The following GPC5 variants were observed in gnomAD, a reference collection of about 807,000 sequenced individuals.
GPC5 encodes the protein glypican 5, also known as glypican-5.
In GPC5, 47 loss-of-function variants were observed where a neutral mutation model predicts 53.9. That is an observed-to-expected ratio of 0.87 (90% CI 0.69 to 1.11). The LOEUF (loss-of-function observed/expected upper bound fraction) is 1.11, where lower values mean the gene tolerates loss of function less well. Ranked by LOEUF, GPC5 falls within the 50% of genes most tolerant of loss-of-function variation. GPC5 has a pLI of 0.00. For synonymous variants in GPC5, 286 were observed against 263.3 expected, an observed-to-expected ratio of 1.09 and a Z score of -0.84; for missense variants, 748 against 713.1, an observed-to-expected ratio of 1.05 and a Z score of -0.56.
chr13:91,932,022 A>G (rs1340524092), intron 6 of GPC5, among the ~76,000 whole-genome samples: 1 of 151,956 alleles, frequency 6.6e-6, no homozygotes, highest in East Asian at 1.9e-4. Flanking sequence ...AATATGTACA[A>G]TGATGTGTCA....
chr13:92,039,466 T>G (rs1449768915), intron 6 of GPC5, among the ~76,000 whole-genome samples: 1 of 152,180 alleles, frequency 6.6e-6, no homozygotes, highest in African/African-American at 2.4e-5. Flanking sequence ...ACTCCAACAC[T>G]CATTTAATGT....
chr13:92,585,366 T>C (rs1883505423), intron 7 of GPC5, among the ~76,000 whole-genome samples: 4 of 152,226 alleles, frequency 2.6e-5, no homozygotes, highest in Non-Finnish European at 4.4e-5. Flanking sequence ...CTTGAAGATT[T>C]GACTGCTTTG....
intron 6 of GPC5, among the ~76,000 whole-genome samples, chr13:92,051,477 G>A (rs1318151783): frequency 1.3e-5 from 2 of 151,620 alleles, no homozygotes; most frequent in African/African-American, 4.9e-5. Context: ...CGGGATTACA[G>A]GCATGAGCTA....
At chr13:92,295,844 T>G (rs1299081160) in intron 7 of GPC5, among the ~76,000 whole-genome samples, 1 of 152,198 alleles carries the variant, frequency 6.6e-6, no homozygotes, top group Non-Finnish European at 1.5e-5. Flanking sequence ...TAAGTTTGTG[T>G]GAGTCCTTAT....
intron 7 of GPC5, among the ~76,000 whole-genome samples, chr13:92,377,022 A>AT (rs1465313530): frequency 6.6e-6 from 1 of 151,936 alleles, no homozygotes; most frequent in Non-Finnish European, 1.5e-5. Context: ...CTCAAATAAA[A>AT]AAAAAAAAGA....
intron 6 of GPC5, among the ~76,000 whole-genome samples, chr13:92,002,188 A>G (rs1253608529): frequency 6.6e-6 from 1 of 152,184 alleles, no homozygotes; most frequent in Non-Finnish European, 1.5e-5. Context: ...GAATACCTAC[A>G]TATACCTAAG....
chr13:92,049,365 G>A (rs2138835995), intron 6 of GPC5, among the ~76,000 whole-genome samples: 1 of 152,170 alleles, frequency 6.6e-6, no homozygotes, highest in African/African-American at 2.4e-5. Context: ...AATCCCCAAA[G>A]TCAGGAACAG....
chr13:92,399,300 A>G (rs1469182200), intron 7 of GPC5, among the ~76,000 whole-genome samples: 2 of 152,228 alleles, frequency 1.3e-5, no homozygotes, highest in Admixed American at 6.5e-5. Flanking sequence ...GTAAACTGTG[A>G]TGAGTATAAT....
intron 7 of GPC5, among the ~76,000 whole-genome samples, chr13:92,173,948 T>G (rs1315399103): frequency 6.6e-6 from 1 of 151,564 alleles, no homozygotes; most frequent in Non-Finnish European, 1.5e-5. Context: ...CTACTAAAAA[T>G]ACAAAAATTA....
At chr13:91,583,955 TC>T (rs2032465760) in intron 2 of GPC5, among the ~76,000 whole-genome samples, 2 of 152,194 alleles carry the variant, frequency 1.3e-5, no homozygotes, top group African/African-American at 4.8e-5. Context: ...CCCTGCTACC[TC>T]AGAATGTGAC....
chr13:91,885,912 C>A (rs2039316698), intron 5 of GPC5, among the ~76,000 whole-genome samples: 2 of 152,106 alleles, frequency 1.3e-5, no homozygotes, highest in African/African-American at 2.4e-5. Context: ...TATGTTTTCA[C>A]CCCTGAGACT....
chr13:92,664,520 C>T (rs987999372), intron 7 of GPC5, among the ~76,000 whole-genome samples: 10 of 151,820 alleles, frequency 6.6e-5, no homozygotes, highest in Admixed American at 6.6e-4. Context: ...GAAATCATAG[C>T]GTATAGACAA....
intron 6 of GPC5, among the ~76,000 whole-genome samples, chr13:91,916,808 T>G (rs982994180): frequency 1.3e-5 from 2 of 152,138 alleles, no homozygotes; most frequent in African/African-American, 4.8e-5. Context: ...CCATCAAATC[T>G]GTGAGACTCA....
chr13:91,400,677 G>T (rs1373826115), intron 1 of GPC5, among the ~76,000 whole-genome samples: 1 of 152,134 alleles, frequency 6.6e-6, no homozygotes, highest in African/African-American at 2.4e-5. Flanking sequence ...AACTTTGCCT[G>T]CTATGTTCAC....
intron 7 of GPC5, among the ~76,000 whole-genome samples, chr13:92,710,308 AC>A (rs144185775): frequency 0.047 from 7,088 of 152,272 alleles, 227 homozygotes; most frequent in Non-Finnish European, 0.063. Flanking sequence ...TAAATGTTGA[AC>A]TCACTAATGT....
At chr13:92,129,152 C>T (rs991955935) in intron 6 of GPC5, among the ~76,000 whole-genome samples, 3 of 152,040 alleles carry the variant, frequency 2.0e-5, no homozygotes, top group Non-Finnish European at 4.4e-5. Flanking sequence ...ATTTAATCTC[C>T]AACAGAATTT....
intron 7 of GPC5, among the ~76,000 whole-genome samples, chr13:92,583,805 G>T (rs1018536959): frequency 6.6e-6 from 1 of 152,164 alleles, no homozygotes; most frequent in Non-Finnish European, 1.5e-5. Flanking sequence ...GAGGGACCTC[G>T]TGGCAGGTAA....
chr13:92,462,773 G>A (rs1878542906), intron 7 of GPC5, among the ~76,000 whole-genome samples: 1 of 149,450 alleles, frequency 6.7e-6, no homozygotes, highest in African/African-American at 2.5e-5. Context: ...CTGGAGTGCA[G>A]TGGCATGATC....
intron 7 of GPC5, among the ~76,000 whole-genome samples, chr13:92,321,521 T>C (rs1175520255): frequency 1.3e-5 from 2 of 152,136 alleles, no homozygotes; most frequent in African/African-American, 4.8e-5. Context: ...GAAGAATCAC[T>C]TGAACCAGGA....
Sources: gnomAD v4.1 joint callset for allele counts (sites outside exome capture counted in the v4.1 genomes callset) on GRCh38, gnomAD v4.1.1 for gene constraint, MANE v1.5 for transcripts, NCBI Gene and HGNC (gene_info 2026-07-23, HGNC 2026-07-21) for gene names.